NOL4: variants seen among roughly 807,000 people sequenced by gnomAD.
NOL4 encodes nucleolar protein 4.
In NOL4, 17 loss-of-function variants were observed where a neutral mutation model predicts 75.9. That is an observed-to-expected ratio of 0.22 (90% CI 0.15 to 0.34). The LOEUF (loss-of-function observed/expected upper bound fraction) is 0.34. Among genes scored for constraint, NOL4 ranks in the 10% least tolerant of loss-of-function variants. The pLI is 1.00. For missense variants in NOL4, 614 were observed against 793.5 expected (o/e 0.77, Z 2.72); for synonymous variants, 292 against 289.9 (o/e 1.01, Z -0.07).
intron 1 of NOL4, among the ~76,000 whole-genome samples, chr18:34,144,026 G>A (rs140401150): frequency 4.6e-5 from 7 of 152,044 alleles, no homozygotes; most frequent in East Asian, 1.9e-4. Flanking sequence ...ATCACTGAAC[G>A]TGAAGTTGAA....
At chr18:33,889,230 T>C (rs1343681149) in intron 9 of NOL4, among the ~76,000 whole-genome samples, 2 of 152,098 alleles carry the variant, frequency 1.3e-5, no homozygotes, top group African/African-American at 4.8e-5. Context: ...CATCAGAGAA[T>C]ACTATACACA....
chr18:33,862,902 C>A lies in NOL4; in HGVS notation c.1724-9867G>T, dbSNP rs189264342. Among the ~76,000 whole-genome samples, 726 of 152,194 alleles carry A rather than the reference C, an allele frequency of 4.8e-3. 9 individuals are homozygous for A. The highest frequency in any genetic ancestry group is 0.017 in the African/African-American group (692 of 41,528). Reference sequence around the variant, plus strand: ...TCTAGAACTAGAAATACCATTTGACCCAGCCATCCCATTACTGGGAATATA... The same window carrying A: ...TCTAGAACTAGAAATACCATTTGACACAGCCATCCCATTACTGGGAATATA... On this transcript the variant is annotated intron_variant, in intron 10 of 10. Coordinates refer to ENST00000261592, the MANE Select transcript of NOL4 (RefSeq NM_003787.5).
At chr18:34,003,171 C>T (rs1379994416) in intron 6 of NOL4, among the ~76,000 whole-genome samples, 2 of 152,096 alleles carry the variant, frequency 1.3e-5, no homozygotes, top group Non-Finnish European at 2.9e-5. Context: ...CATTAAAGTA[C>T]ATGATTATCT....
intron 1 of NOL4, among the ~76,000 whole-genome samples, chr18:34,203,685 CCTCTCTCTCTCTCT>C (rs1226376797): frequency 9.9e-6 from 1 of 100,686 alleles, no homozygotes; most frequent in Non-Finnish European, 1.9e-5. Flanking sequence ...TCTCTCTCTC[CCTCTCTCTCTCTCT>C]CTCTCTCTCT....
chr18:34,207,034 T>A (rs2036170065), intron 1 of NOL4, among the ~76,000 whole-genome samples: 1 of 152,160 alleles, frequency 6.6e-6, no homozygotes, highest in African/African-American at 2.4e-5. Flanking sequence ...ATGTATTTTT[T>A]AATTCAAATA....
At chr18:33,987,273 G>A (rs909572968) in intron 6 of NOL4, among the ~76,000 whole-genome samples, 2 of 152,026 alleles carry the variant, frequency 1.3e-5, no homozygotes, top group African/African-American at 2.4e-5. Flanking sequence ...GATCATGATC[G>A]GAGCTTGGAA....
chr18:33,884,579 T>G (rs1021711577), intron 9 of NOL4, among the ~76,000 whole-genome samples: 9 of 152,054 alleles, frequency 5.9e-5, no homozygotes, highest in African/African-American at 2.2e-4. Flanking sequence ...TATATACATA[T>G]ATGAATTCAC....
rs565325760 is a variant in NOL4, at chr18:34,139,644, AT to A, written c.265-9625del. 3.4e-3 allele frequency among the ~76,000 whole-genome samples: 518 copies of A among 151,910 alleles called. 3 individuals carry two copies. The highest frequency in any genetic ancestry group is 0.012 in the African/African-American group (494 of 41,408). On this transcript the variant is annotated intron_variant, in intron 1 of 10. Transcript: ENST00000261592. ...AAAAAACCAGCTCCTGGATTCATTG[AT>A]TTTTTGGAGGGTTTTTTTGTGTCTC...
chr18:34,172,038 G>A (rs949758977), intron 1 of NOL4, among the ~76,000 whole-genome samples: 9 of 152,134 alleles, frequency 5.9e-5, no homozygotes, highest in South Asian at 4.1e-4. Flanking sequence ...CTCAAAATGA[G>A]AACTTGACTT....
chr18:34,184,497 G>A (rs898378966), intron 1 of NOL4, among the ~76,000 whole-genome samples: 2 of 151,902 alleles, frequency 1.3e-5, no homozygotes, highest in African/African-American at 2.4e-5. Context: ...CCAAAACAAA[G>A]AAAAAGAACA....
chr18:34,085,036 AC>A (rs2078184301), intron 5 of NOL4, among the ~76,000 whole-genome samples: 2 of 152,212 alleles, frequency 1.3e-5, no homozygotes, highest in Admixed American at 1.3e-4. Context: ...AAAAACAAAA[AC>A]AAAAATAGAC....
intron 2 of NOL4, among the ~76,000 whole-genome samples, chr18:34,120,239 G>A (rs930579334): frequency 6.6e-6 from 1 of 152,146 alleles, no homozygotes; most frequent in African/African-American, 2.4e-5. Flanking sequence ...AGAGTCTGCA[G>A]GCAGCTTGAA....
intron 2 of NOL4, among the ~76,000 whole-genome samples, chr18:34,128,186 G>T (rs1947601976): frequency 6.6e-6 from 1 of 151,794 alleles, no homozygotes; most frequent in African/African-American, 2.4e-5. Context: ...TTTGATTAAA[G>T]GTCTATAATA....
At chr18:34,078,515 C>T (rs1047999423) in intron 5 of NOL4, among the ~76,000 whole-genome samples, 1 of 152,152 alleles carries the variant, frequency 6.6e-6, no homozygotes, top group African/African-American at 2.4e-5. Context: ...AATTACTTCC[C>T]ACAAGTAACA....
At chr18:33,854,811 A>G (rs972326216) in intron 10 of NOL4, among the ~76,000 whole-genome samples, 3 of 151,774 alleles carry the variant, frequency 2.0e-5, no homozygotes, top group Admixed American at 1.3e-4. Flanking sequence ...GGCATCCTTA[A>G]GTAAAATTGA....
At chr18:33,910,100 T>C (rs2066305266) in intron 9 of NOL4, among the ~76,000 whole-genome samples, 1 of 152,214 alleles carries the variant, frequency 6.6e-6, no homozygotes, top group African/African-American at 2.4e-5. Context: ...TATCCAAAGA[T>C]TTCTGACTAT....
At chr18:34,057,491 T>C (rs1316464137) in intron 5 of NOL4, among the ~76,000 whole-genome samples, 1 of 152,224 alleles carries the variant, frequency 6.6e-6, no homozygotes, top group African/African-American at 2.4e-5. Flanking sequence ...ATCTGTTTTC[T>C]AGAATGAGAG....
intron 9 of NOL4, among the ~76,000 whole-genome samples, chr18:33,887,127 T>C (rs1173899023): frequency 1.4e-5 from 2 of 143,844 alleles, no homozygotes; most frequent in African/African-American, 5.1e-5. Flanking sequence ...ATATATATTA[T>C]ATCTAGATAT....
intron 10 of NOL4, among the ~76,000 whole-genome samples, chr18:33,859,553 G>C (rs990792687): frequency 2.6e-5 from 4 of 151,966 alleles, no homozygotes; most frequent in Non-Finnish European, 5.9e-5. Flanking sequence ...TTGCTATTTT[G>C]TTACTTTTTA....
Sources: gnomAD v4.1 joint callset for allele counts (sites outside exome capture counted in the v4.1 genomes callset) on GRCh38, gnomAD v4.1.1 for gene constraint, MANE v1.5 for transcripts, NCBI Gene and HGNC (gene_info 2026-07-23, HGNC 2026-07-21) for gene names.